Variants in BEGAIN observed in about 807,000 individuals in gnomAD.
BEGAIN encodes the protein brain enriched guanylate kinase associated, also known as brain-enriched guanylate kinase-associated protein.
BEGAIN carries 19 observed loss-of-function variants against 35.8 expected under a neutral mutation model. The ratio of observed to expected loss-of-function variants is 0.53; its 90% CI spans 0.37 to 0.78. The LOEUF (loss-of-function observed/expected upper bound fraction) is 0.78. BEGAIN is among the 30% of genes least tolerant of loss of function. The pLI, the probability that BEGAIN is intolerant of heterozygous loss-of-function variation, is 0.00. For missense variants in BEGAIN, 795 were observed against 853.6 expected (o/e 0.93, Z 0.85); for synonymous variants, 462 against 388.6 (o/e 1.19, Z -2.22).
At position 100,542,632 on chromosome 14, in the gene BEGAIN, GC is replaced by G. The variant is rs140013798; in HGVS notation, c.408+1225del. On this transcript the variant is annotated intron_variant, in intron 5 of 6. Coordinates refer to ENST00000554140, the MANE Select transcript of BEGAIN (RefSeq NM_001385089.1). ...GAATCCTGTAGCTGGGTTGGACTCAGCTCTTCTTCTAACAACCCACATCCTA... is the reference window on the plus strand; with the variant it reads ...GAATCCTGTAGCTGGGTTGGACTCAGTCTTCTTCTAACAACCCACATCCTA... 6.3e-3 allele frequency among the ~76,000 whole-genome samples: 964 copies of G among 152,334 alleles called. 12 individuals carry two copies. The highest frequency in any genetic ancestry group is 0.022 in the African/African-American group (912 of 41,560).
rs1042556712 is a variant in BEGAIN at position 100,586,234 on chromosome 14, A to G, written c.42+1015T>C. ...CAGAGGAACTAGGGTCCAGAGAAGG[A>G]AAAGAACCTGTCCATGGCCTCCAGA... On this transcript the variant is annotated intron_variant, in intron 1 of 6. Coordinates refer to ENST00000554140, the MANE Select transcript of BEGAIN (RefSeq NM_001385089.1). This position sits in a 1 kb window ranked among gnomAD's most constrained non-coding sequence, Gnocchi z 4.9. Among the ~76,000 whole-genome samples the G allele has an allele frequency of 6.6e-6, 1 of 152,190 alleles. No homozygotes were observed. The highest frequency in any genetic ancestry group is 1.5e-5 in the Non-Finnish European group (1 of 68,038).
chr14:100,560,457 G>C (rs1394762380), intron 2 of BEGAIN, among the ~76,000 whole-genome samples: 1 of 152,154 alleles, frequency 6.6e-6, no homozygotes, highest in Non-Finnish European at 1.5e-5. Context: ...CCTCACCGGG[G>C]ATCCCCCAGA....
chr14:100,551,000 C>G (rs2033138670), intron 2 of BEGAIN, among the ~76,000 whole-genome samples: 1 of 152,174 alleles, frequency 6.6e-6, no homozygotes. Context: ...CCTACTAGCT[C>G]TGCATCTGTC....
chr14:100,538,986 G>A lies in BEGAIN; in HGVS notation c.822C>T (p.Gly274=). ...PSVDAPVTDV[G]FLRAQNSTDS... is the part of the protein sequence containing the mutation. ...CAGTGGAGTTCTGGGCCCGCAGGAA[G>A]CCCACGTCGGTCACGGGCGCGTCCA... The change falls in exon 7 of 7, where the codon GGC becomes GGT. Residue 274 remains glycine, a synonymous_variant. Transcript: ENST00000554140. The A allele has an allele frequency of 6.2e-7, 1 of 1,610,388 alleles. No individual in the cohort carries two copies. Among genetic ancestry groups the A allele is most frequent in the Non-Finnish European group, 8.5e-7 (1 of 1,178,836 alleles).
rs933147938 is a variant in BEGAIN, at chr14:100,563,183, G to T, written c.71+4728C>A. Among the ~76,000 whole-genome samples the T allele has an allele frequency of 1.3e-5, 2 of 152,216 alleles. No homozygotes were observed. The highest frequency in any genetic ancestry group is 2.9e-5 in the Non-Finnish European group (2 of 68,038). On this transcript the variant is annotated intron_variant, in intron 2 of 6. Transcript: ENST00000554140. This position sits in a 1 kb window ranked among gnomAD's most constrained non-coding sequence, Gnocchi z 4.2. ...CGACATGGACAGGACCACAAGCACC[G>T]GTCATAGGAGTGAAGGAGAGAGTGT...
rs1366201928 is a variant in BEGAIN, at chr14:100,586,836, T to C, written c.42+413A>G. On this transcript the variant is annotated intron_variant, in intron 1 of 6. Transcript: ENST00000554140. The surrounding 1 kb of genome is among the most constrained non-coding windows in gnomAD (Gnocchi z 4.9). ...CGGCCTCCCAAGCAGGGGCTGGCCC[T>C]GCCCCCAGACGCAGGCGGGTCCAGG... Among the ~76,000 whole-genome samples, 1 of 152,076 alleles carries C rather than the reference T, an allele frequency of 6.6e-6. No individual in the cohort carries two copies. The highest frequency in any genetic ancestry group is 1.5e-5 in the Non-Finnish European group (1 of 67,996).
chr14:100,555,624 T>C (rs1301022544), intron 2 of BEGAIN, among the ~76,000 whole-genome samples: 1 of 152,216 alleles, frequency 6.6e-6, no homozygotes, highest in Non-Finnish European at 1.5e-5. Context: ...ACAGCCCGGC[T>C]GGGGTTCCAT....
chr14:100,550,325 C>T (rs771814324), intron 2 of BEGAIN: 25 of 398,130 alleles, frequency 6.3e-5, no homozygotes, highest in Non-Finnish European at 9.7e-5. Flanking sequence ...TGGGCCTCTG[C>T]ATCTGTCTCG....
At chr14:100,550,826 G>A (rs560489889) in intron 2 of BEGAIN, among the ~76,000 whole-genome samples, 2 of 152,322 alleles carry the variant, frequency 1.3e-5, no homozygotes, top group Non-Finnish European at 2.9e-5. Flanking sequence ...CCTCTTTTGA[G>A]CATCCTGTCC....
intron 2 of BEGAIN, 84 bp from the exon 3 acceptor site, chr14:100,546,746 A>G: frequency 7.5e-7 from 1 of 1,339,508 alleles, no homozygotes; most frequent in Admixed American, 3.3e-5. Flanking sequence ...GGCGTGCCGC[A>G]CTAACACGCG....
In BEGAIN at chr14:100,538,833, C is replaced by T. The variant is rs750400513; in HGVS notation, c.975G>A (p.Thr325=). 1.5e-5 allele frequency: 24 copies of T among 1,605,582 alleles called. 1 individual carries two copies. The highest frequency in any genetic ancestry group is 1.6e-4 in the Middle Eastern group (1 of 6,078). The change falls in exon 7 of 7, where the codon ACG becomes ACA. Residue 325 remains threonine, a synonymous_variant. Transcript: ENST00000554140. ...CCTGCGCGTGCTCCTTCTCCTCCGA[C>T]GTGGCGCTGAAGCTGGAGTAGGAGC... is the stretch of plus-strand genomic sequence containing the variant. ...TSSSYSSFSA[T]SEEKEHAQAS...
intron 1 of BEGAIN, chr14:100,569,679 G>A (rs925127951): frequency 6.5e-6 from 1 of 154,618 alleles, no homozygotes; most frequent in Admixed American, 6.5e-5. Context: ...GGTCAGACCT[G>A]AACCAGGATC....
intron 1 of BEGAIN, among the ~76,000 whole-genome samples, chr14:100,582,682 T>C (rs760721228): frequency 1.3e-5 from 2 of 152,160 alleles, no homozygotes; most frequent in Non-Finnish European, 2.9e-5. Flanking sequence ...GGGAGATCCC[T>C]GGGCAAGGAC....
intron 2 of BEGAIN, chr14:100,548,373 C>T (rs1005484614): frequency 2.0e-5 from 3 of 152,182 alleles, no homozygotes; most frequent in Non-Finnish European, 2.9e-5. Context: ...AGGGCAGGCA[C>T]AATGGGCTGC....
In BEGAIN at chr14:100,537,416, A is replaced by C. The variant is rs990088875; in HGVS notation, c.*553T>G. ...GCCACACTGCGAAGAATGGATTTTTAAAACACTTCATAGCCCCGAATTTGT... is the reference window on the plus strand; with the variant it reads ...GCCACACTGCGAAGAATGGATTTTTCAAACACTTCATAGCCCCGAATTTGT... On this transcript the variant is annotated 3_prime_UTR_variant, in exon 7 of 7. Coordinates refer to ENST00000554140, the MANE Select transcript of BEGAIN (RefSeq NM_001385089.1). 6.6e-6 allele frequency: 1 copy of C among 152,536 alleles called. No individual in the cohort carries two copies. Among genetic ancestry groups the C allele is most frequent in the Non-Finnish European group, 1.5e-5 (1 of 68,200 alleles). The allele number at this position is 152,536 out of a possible 1,614,324, so 9.4% of individuals were successfully genotyped here.
At chr14:100,555,673 T>G (rs903145409) in intron 2 of BEGAIN, among the ~76,000 whole-genome samples, 18 of 152,216 alleles carry the variant, frequency 1.2e-4, no homozygotes, top group Non-Finnish European at 2.9e-5. Context: ...GATTTTAATG[T>G]AAATAGTAGC....
In BEGAIN at chr14:100,537,377, A is replaced by G. The variant is rs1397998909; in HGVS notation, c.*592T>C. 2 of 152,684 alleles carry G rather than the reference A, an allele frequency of 1.3e-5. No individual in the cohort carries two copies. Among genetic ancestry groups the G allele is most frequent in the African/African-American group, 4.8e-5 (2 of 41,472 alleles). 9.5% of individuals were successfully genotyped at this position (152,684 alleles called of 1,614,324 possible). On this transcript the variant is annotated 3_prime_UTR_variant, in exon 7 of 7. Transcript: ENST00000554140. Reference sequence around the variant, plus strand: ...GGGACGATGGGCCGTGGGAGGGCTCAGGGCGGTGTGGTGGCCACACTGCGA... The same window carrying G: ...GGGACGATGGGCCGTGGGAGGGCTCGGGGCGGTGTGGTGGCCACACTGCGA...
intron 2 of BEGAIN, among the ~76,000 whole-genome samples, chr14:100,565,569 T>C (rs2034620301): frequency 6.6e-6 from 1 of 152,080 alleles, no homozygotes. Flanking sequence ...ACCAGCACTC[T>C]CAGAGCTCAA....
At position 100,568,001 on chromosome 14, in the gene BEGAIN, G is replaced by C; in HGVS notation, c.43-62C>G. 1 of 1,357,404 alleles carries C rather than the reference G, an allele frequency of 7.4e-7. No individual in the cohort carries two copies. The highest frequency in any genetic ancestry group is 9.7e-7 in the Non-Finnish European group (1 of 1,036,214). 84.1% of individuals were successfully genotyped at this position (1,357,404 alleles called of 1,614,324 possible). Reference sequence around the variant, plus strand: ...GGCGTGCGCTCCGCGGCCGCGCCGGGCAGAGCCGGGCACAGCGGGCACGGC... The same window carrying C: ...GGCGTGCGCTCCGCGGCCGCGCCGGCCAGAGCCGGGCACAGCGGGCACGGC... On this transcript the variant is annotated intron_variant, in intron 1 of 6. Coordinates refer to ENST00000554140, the MANE Select transcript of BEGAIN (RefSeq NM_001385089.1). This position sits in a 1 kb window ranked among gnomAD's most constrained non-coding sequence, Gnocchi z 7.5.
Sources: allele counts gnomAD v4.1 joint callset (sites outside exome capture counted in the v4.1 genomes callset), GRCh38; gene constraint gnomAD v4.1.1; non-coding constraint Gnocchi (gnomAD v3.1); transcripts MANE v1.5; gene names NCBI Gene and HGNC (gene_info 2026-07-23, HGNC 2026-07-21).